CYYR1: variants seen among roughly 807,000 people sequenced by gnomAD.
The protein encoded by CYYR1 is cysteine and tyrosine-rich protein 1.
A neutral mutation model predicts 15.2 loss-of-function variants in CYYR1; 14 were observed. That is an observed-to-expected ratio of 0.92 (90% CI 0.61 to 1.44). The LOEUF (loss-of-function observed/expected upper bound fraction) is 1.44, where lower values mean the gene tolerates loss of function less well. Among genes scored for constraint, CYYR1 ranks in the 40% most tolerant of loss-of-function variants. The pLI, the probability that CYYR1 is intolerant of heterozygous loss-of-function variation, is 0.00. For synonymous variants in CYYR1, 80 were observed against 77.4 expected, an observed-to-expected ratio of 1.03 and a Z score of -0.18; for missense variants, 228 against 209.5, an observed-to-expected ratio of 1.09 and a Z score of -0.54.
At chr21:26,473,139 A>G (rs576937151) in intron 3 of CYYR1, among the ~76,000 whole-genome samples, 5 of 152,088 alleles carry the variant, frequency 3.3e-5, no homozygotes, top group Non-Finnish European at 7.4e-5. Context: ...CCTCAATTTA[A>G]TTATTACTGA....
At chr21:26,561,587 A>G (rs575502459) in intron 2 of CYYR1, among the ~76,000 whole-genome samples, 3 of 152,312 alleles carry the variant, frequency 2.0e-5, no homozygotes, top group Admixed American at 6.5e-5. Context: ...AAAGAAATTT[A>G]ATCTCACCAG....
chr21:26,571,218 A>G (rs1406416324), intron 1 of CYYR1, among the ~76,000 whole-genome samples: 1 of 152,248 alleles, frequency 6.6e-6, no homozygotes, highest in African/African-American at 2.4e-5. Context: ...AAAAGCATAA[A>G]AAGGCCTCTG....
rs573129459 is a variant in CYYR1, at chr21:26,495,205, T to G, written c.177-14776A>C. On this transcript the variant is annotated intron_variant, in intron 2 of 3. Transcript: ENST00000652641. ...CTGGGTTATCACTTCAGATAGAGATTCTTCTGATCACGTTAATGCAGATTG... is the reference window on the plus strand; with the variant it reads ...CTGGGTTATCACTTCAGATAGAGATGCTTCTGATCACGTTAATGCAGATTG... Among the ~76,000 whole-genome samples, 4 of 152,280 alleles carry G rather than the reference T, an allele frequency of 2.6e-5. No individual in the cohort carries two copies. The South Asian group carries it at 8.3e-4, about 32-fold the overall frequency.
At chr21:26,504,239 T>TTTA (rs1488124667) in intron 2 of CYYR1, among the ~76,000 whole-genome samples, 1 of 151,880 alleles carries the variant, frequency 6.6e-6, no homozygotes, top group Non-Finnish European at 1.5e-5. Flanking sequence ...TATTTATTTA[T>TTTA]TTATTTATTT....
chr21:26,554,382 G>T (rs1016099577), intron 2 of CYYR1, among the ~76,000 whole-genome samples: 1 of 151,852 alleles, frequency 6.6e-6, no homozygotes, highest in Non-Finnish European at 1.5e-5. Flanking sequence ...ATTTAGATTT[G>T]ATTTCCTAGT....
chr21:26,558,795 CTAA>C (rs1432190447), intron 2 of CYYR1, among the ~76,000 whole-genome samples: 2 of 152,188 alleles, frequency 1.3e-5, no homozygotes, highest in African/African-American at 4.8e-5. Flanking sequence ...GAGATTTACT[CTAA>C]TGTTATGTTA....
intron 2 of CYYR1, among the ~76,000 whole-genome samples, chr21:26,492,294 C>G (rs371275468): frequency 1.3e-5 from 2 of 152,258 alleles, no homozygotes; most frequent in East Asian, 3.9e-4. Flanking sequence ...CGTTGGGAAC[C>G]TACCTTTGTA....
At chr21:26,490,138 C>A (rs1042824340) in intron 2 of CYYR1, among the ~76,000 whole-genome samples, 1 of 151,726 alleles carries the variant, frequency 6.6e-6, no homozygotes, top group South Asian at 2.1e-4. Flanking sequence ...CCTGCCTGTA[C>A]GAAAAATACA....
intron 2 of CYYR1, among the ~76,000 whole-genome samples, chr21:26,516,291 T>G (rs1356547220): frequency 6.6e-6 from 1 of 152,234 alleles, no homozygotes; most frequent in East Asian, 1.9e-4. Context: ...CAACTTGAAC[T>G]GTAGGGCAAA....
intron 2 of CYYR1, among the ~76,000 whole-genome samples, chr21:26,486,858 A>G (rs1461965330): frequency 6.6e-6 from 1 of 152,066 alleles, no homozygotes; most frequent in Non-Finnish European, 1.5e-5. Context: ...TGGTTTTACT[A>G]TTAATATTAA....
chr21:26,556,921 T>C (rs558834259), intron 2 of CYYR1, among the ~76,000 whole-genome samples: 45 of 152,200 alleles, frequency 3.0e-4, no homozygotes, highest in African/African-American at 1.1e-3. Flanking sequence ...CTCCAAAATA[T>C]AGCGTTTAGG....
At position 26,480,287 on chromosome 21, in the gene CYYR1, C is replaced by T. The variant is rs138320462; in HGVS notation, c.319G>A (p.Val107Ile). ...GILRTTHINT[V>I]SSYPAGPPPY... ...TTTTGCTCACCAGGATAGGAGGAGACGGTGTTGATGTGAGTCGTCCTGAGG... is the reference window on the plus strand; with the variant it reads ...TTTTGCTCACCAGGATAGGAGGAGATGGTGTTGATGTGAGTCGTCCTGAGG... Residue 107 changes from valine (V) to isoleucine (I), a missense_variant, in exon 3 of 4, where the codon GTC becomes ATC. Coordinates refer to ENST00000652641, the MANE Select transcript of CYYR1 (RefSeq NM_001320768.2). 1.1e-5 allele frequency: 18 copies of T among 1,610,982 alleles called. No homozygotes were observed. Among genetic ancestry groups the T allele is most frequent in the African/African-American group, 1.1e-4 (8 of 74,760 alleles).
intron 2 of CYYR1, among the ~76,000 whole-genome samples, chr21:26,488,998 C>A (rs1198922519): frequency 2.0e-5 from 3 of 152,078 alleles, no homozygotes; most frequent in African/African-American, 7.2e-5. Flanking sequence ...TAATACAATT[C>A]CTTTGCCAAA....
intron 2 of CYYR1, among the ~76,000 whole-genome samples, chr21:26,546,781 CT>C (rs1260528465): frequency 6.6e-6 from 1 of 152,156 alleles, no homozygotes; most frequent in Non-Finnish European, 1.5e-5. Flanking sequence ...AGAGAGAAAG[CT>C]TTATTAACGT....
rs767267641 is a variant in CYYR1 at position 26,566,286 on chromosome 21, A to T, written c.156T>A (p.Ala52=). 1 of 1,613,642 alleles carries T rather than the reference A, an allele frequency of 6.2e-7. No individual in the cohort carries two copies. Among genetic ancestry groups the T allele is most frequent in the Non-Finnish European group, 8.5e-7 (1 of 1,179,616 alleles). The change falls in exon 2 of 4, where the codon GCT becomes GCA. Residue 52 remains alanine, a synonymous_variant. Transcript: ENST00000652641. ...CTCACGAGAGGATATTCCCAATATA[A>T]GCGTAGTAGGAGCAACAGTAGGGCG... ...GTTPYCCSYY[A]YIGNILSGTA... is the part of the protein sequence containing the mutation.
chr21:26,468,402 G>A lies in CYYR1; in HGVS notation c.*99C>T, dbSNP rs183308924. ...CTGACACATTATCTGACCCCAAAAA[G>A]TATTCCTTGGAGCAATTCTTTCCTG... On this transcript the variant is annotated 3_prime_UTR_variant, in exon 4 of 4. Transcript: ENST00000652641. 1.4e-4 allele frequency: 115 copies of A among 841,480 alleles called. No individual in the cohort carries two copies. The African/African-American group carries it at 1.7e-3, about 12-fold the overall frequency. 52.1% of individuals were successfully genotyped at this position (841,480 alleles called of 1,614,324 possible).
rs1438041452 is a variant in CYYR1 at position 26,531,663 on chromosome 21, T to C, written c.176+34603A>G. ...TCTTCCTGTACAGCCTGTGGAACTC[T>C]TGAGTCAATGAAACCTCTTTTCTTC... On this transcript the variant is annotated intron_variant, in intron 2 of 3. Coordinates refer to ENST00000652641, the MANE Select transcript of CYYR1 (RefSeq NM_001320768.2). Among the ~76,000 whole-genome samples, 5 of 152,232 alleles carry C rather than the reference T, an allele frequency of 3.3e-5. No individual in the cohort carries two copies. In the East Asian group the frequency reaches 9.7e-4, roughly 29 times the overall value.
intron 2 of CYYR1, among the ~76,000 whole-genome samples, chr21:26,532,404 T>A (rs2065943219): frequency 6.6e-6 from 1 of 152,108 alleles, no homozygotes; most frequent in Admixed American, 6.6e-5. Context: ...CAAAAGCTAT[T>A]GTTAAGGAGG....
chr21:26,471,513 T>C (rs1196284274), intron 3 of CYYR1: 1 of 152,238 alleles, frequency 6.6e-6, no homozygotes, highest in Non-Finnish European at 1.5e-5. Flanking sequence ...TCATACAACC[T>C]TTGAATTTTG....
Sources: allele counts gnomAD v4.1 joint callset (sites outside exome capture counted in the v4.1 genomes callset), GRCh38; gene constraint gnomAD v4.1.1; transcripts MANE v1.5; gene names NCBI Gene and HGNC (gene_info 2026-07-23, HGNC 2026-07-21).